MYO1F: variants seen among roughly 807,000 people sequenced by gnomAD.
MYO1F encodes the protein myosin IF.
In MYO1F, 60 loss-of-function variants were observed where a neutral mutation model predicts 146.6. The observed-to-expected ratio is 0.41, with a 90% CI of 0.33 to 0.51. MYO1F has a LOEUF of 0.51. MYO1F is among the 20% of genes least tolerant of loss of function. The probability of loss-of-function intolerance (pLI) is 0.25; values close to 1 mark genes in which losing one functional copy is unlikely to be tolerated. For synonymous variants in MYO1F, 602 were observed against 602.1 expected (o/e 1.00, Z 0.00); for missense variants, 1,274 against 1,534.3 (o/e 0.83, Z 2.83).
At chr19:8,547,991 A>AGAACCCCCCC in intron 12 of MYO1F, 45 bp downstream of exon 12, 1 of 435,420 alleles carries the variant, frequency 2.3e-6, no homozygotes, top group Admixed American at 3.0e-5. Flanking sequence ...CTTCCACCCC[A>AGAACCCCCCC]CCCCCACCCC....
In MYO1F at chr19:8,527,457, C is replaced by T. The variant is rs757829604; in HGVS notation, c.2355G>A (p.Thr785=). 1.3e-5 allele frequency: 21 copies of T among 1,613,900 alleles called. No homozygotes were observed. In the Admixed American group the frequency reaches 2.5e-4, roughly 19 times the overall value. ...GCCCAATCACATACACACACTTGGG[C>T]GTCAGGATCAAGTCCCGCTTGATGG... ...FKPIKRDLIL[T]PKCVYVIGRE... Residue 785 remains threonine (T), a synonymous_variant, in exon 22 of 28, where the codon ACG becomes ACA. Coordinates refer to ENST00000644032, the MANE Select transcript of MYO1F (RefSeq NM_012335.4).
chr19:8,567,675 G>T (rs940061391), intron 1 of MYO1F, among the ~76,000 whole-genome samples: 7 of 152,228 alleles, frequency 4.6e-5, no homozygotes, highest in African/African-American at 1.7e-4. Flanking sequence ...TTTTATAGAA[G>T]AGAAAACTAC....
Position 8,548,274 on chromosome 19 carries a change from A to G in MYO1F, c.1145T>C (p.Ile382Thr), listed in dbSNP as rs754132433. Residue 382 changes from isoleucine (I) to threonine (T), a missense_variant, in exon 11 of 28, where the codon ATC becomes ACC. Ile to Thr is a moderately conservative substitution (Grantham distance 89). Coordinates refer to ENST00000644032, the MANE Select transcript of MYO1F (RefSeq NM_012335.4). Reference protein sequence around the residue: ...AMQKPQEEYSIGVLDIYGFEI... With the variant: ...AMQKPQEEYSTGVLDIYGFEI... ...GAAGCCGTAAATGTCCAGCACACCGATGCTGTACTCTTCCTGGGGTTTCTG... is the reference window on the plus strand; with the variant it reads ...GAAGCCGTAAATGTCCAGCACACCGGTGCTGTACTCTTCCTGGGGTTTCTG... 1 of 1,613,910 alleles carries G rather than the reference A, an allele frequency of 6.2e-7. No individual in the cohort carries two copies. Among genetic ancestry groups the G allele is most frequent in the South Asian group, 1.1e-5 (1 of 91,072 alleles).
intron 19 of MYO1F, among the ~76,000 whole-genome samples, chr19:8,532,702 A>G (rs1267096031): frequency 1.3e-5 from 2 of 152,050 alleles, no homozygotes; most frequent in African/African-American, 4.8e-5. Flanking sequence ...CCTGGGCAAC[A>G]TAGAAAGACC....
Position 8,550,297 on chromosome 19 carries a change from T to C in MYO1F, c.964A>G (p.Thr322Ala). Residue 322 changes from threonine (T) to alanine (A), a missense_variant, in exon 10 of 28, where the codon ACC becomes GCC. Thr to Ala is a moderately conservative substitution (Grantham distance 58, BLOSUM62 0). Around this residue, in one of 2 missense-constraint regions of MYO1F, gnomAD observed 900 missense variants for 1,155.1 expected, o/e 0.78. Coordinates refer to ENST00000644032, the MANE Select transcript of MYO1F (RefSeq NM_012335.4). ...IDSGRLQEKL[T>A]SRKMDSRWGG... Reference sequence around the variant, plus strand: ...CAGCGGCTGTCCATCTTGCGGCTGGTCAGCTTCTCCTGCAGTCGCCCGCTG... The same window carrying C: ...CAGCGGCTGTCCATCTTGCGGCTGGCCAGCTTCTCCTGCAGTCGCCCGCTG... 5 of 1,613,516 alleles carry C rather than the reference T, an allele frequency of 3.1e-6. No individual in the cohort carries two copies. Among genetic ancestry groups the C allele is most frequent in the Non-Finnish European group, 4.2e-6 (5 of 1,179,922 alleles).
chr19:8,522,379 T>C lies in MYO1F; in HGVS notation c.3218A>G (p.Glu1073Gly). The C allele has an allele frequency of 6.2e-7, 1 of 1,614,064 alleles. No individual in the cohort carries two copies. Among genetic ancestry groups the C allele is most frequent in the Non-Finnish European group, 8.5e-7 (1 of 1,180,012 alleles). Residue 1073 changes from glutamate (E) to glycine (G), a missense_variant and splice_region_variant, in exon 27 of 28, where the codon GAA becomes GGA. By Grantham distance (98) the Glu-to-Gly change is moderately conservative. Transcript: ENST00000644032. ...NVNEVIEILM[E>G]DPSGWWKGRL... Reference sequence around the variant, plus strand: ...AGCTTCTGCCCTGGTACACACACCTTCCATGAGGATCTCAATGACCTCGTT... The same window carrying C: ...AGCTTCTGCCCTGGTACACACACCTCCCATGAGGATCTCAATGACCTCGTT...
chr19:8,572,897 T>C (rs1023282071), intron 1 of MYO1F, among the ~76,000 whole-genome samples: 1 of 152,134 alleles, frequency 6.6e-6, no homozygotes, highest in Non-Finnish European at 1.5e-5. Flanking sequence ...GGTATTGCCA[T>C]GTCTCCCAGG....
intron 1 of MYO1F, among the ~76,000 whole-genome samples, chr19:8,576,055 G>C (rs369892335): frequency 6.6e-6 from 1 of 152,132 alleles, no homozygotes; most frequent in African/African-American, 2.4e-5. Context: ...GGAGTGCAGC[G>C]GCAGGATCTC....
At chr19:8,534,137 C>T (rs534924400) in intron 19 of MYO1F, among the ~76,000 whole-genome samples, 5 of 150,416 alleles carry the variant, frequency 3.3e-5, no homozygotes, top group Non-Finnish European at 7.4e-5. Context: ...CAAGATTGCG[C>T]CATTCCACTT....
chr19:8,525,872 T>A (rs1244387766), intron 24 of MYO1F, among the ~76,000 whole-genome samples: 4 of 152,142 alleles, frequency 2.6e-5, no homozygotes, highest in Non-Finnish European at 5.9e-5. Flanking sequence ...TCATGTCTTC[T>A]CCTTAACAGT....
chr19:8,536,925 C>T (rs768834213), intron 17 of MYO1F, 24 bp downstream of exon 17: 8 of 1,544,100 alleles, frequency 5.2e-6, no homozygotes, highest in Non-Finnish European at 7.0e-6. Flanking sequence ...GGGAATGAAT[C>T]TTGGATTGGT....
chr19:8,539,850 A>C (rs1972882273), intron 16 of MYO1F, 97 bp downstream of exon 16: 1 of 1,081,610 alleles, frequency 9.2e-7, no homozygotes, highest in African/African-American at 1.6e-5. Context: ...TGGTAGACAG[A>C]CAGACGTTGG....
chr19:8,532,281 GAAAGCAGAGA>G (rs1972518045), intron 19 of MYO1F, among the ~76,000 whole-genome samples: 1 of 152,194 alleles, frequency 6.6e-6, no homozygotes, highest in South Asian at 2.1e-4. Flanking sequence ...AGCTTTTGCA[GAAAGCAGAGA>G]AAAGGGTTTT....
intron 8 of MYO1F, 85 bp downstream of exon 8, chr19:8,551,655 C>T: frequency 6.2e-7 from 1 of 1,601,060 alleles, no homozygotes. Flanking sequence ...CTGGCCTGGG[C>T]TTCGGTTTCC....
At position 8,536,490 on chromosome 19, in the gene MYO1F, G is replaced by T; in HGVS notation, c.1898+9C>A. ...GGGATGGCGAGGGCGGGGGTGGAGG[G>T]CTCCTCACCTCTGCAGGAATTTGGC... On this transcript the variant is annotated intron_variant, in intron 18 of 27. Transcript: ENST00000644032. The T allele has an allele frequency of 6.2e-7, 1 of 1,612,600 alleles. No individual in the cohort carries two copies. The highest frequency in any genetic ancestry group is 8.5e-7 in the Non-Finnish European group (1 of 1,179,482).
At chr19:8,547,179 C>T (rs1035591020) in intron 12 of MYO1F, among the ~76,000 whole-genome samples, 7 of 151,374 alleles carry the variant, frequency 4.6e-5, no homozygotes, top group African/African-American at 4.9e-5. Flanking sequence ...TGTGTGCCTG[C>T]GGTCCCAGCT....
intron 14 of MYO1F, chr19:8,543,951 G>GTGC (rs1973188848): frequency 9.0e-6 from 2 of 221,170 alleles, no homozygotes; most frequent in Non-Finnish European, 1.7e-5. Flanking sequence ...GGTGGTGCTG[G>GTGC]TGGTGGTGGT....
Position 8,553,431 on chromosome 19 carries a change from C to G in MYO1F, c.333G>C (p.Glu111Asp). 1.2e-6 allele frequency: 2 copies of G among 1,613,918 alleles called. No individual in the cohort carries two copies. The highest frequency in any genetic ancestry group is 1.1e-5 in the South Asian group (1 of 91,084). Residue 111 changes from glutamate to aspartate, a missense_variant, in exon 5 of 28, where the codon GAG (glutamate) becomes GAC (aspartate). By Grantham distance (45) the Glu-to-Asp change is conservative. Coordinates refer to ENST00000644032, the MANE Select transcript of MYO1F (RefSeq NM_012335.4). Reference protein sequence around the residue: ...CENQCVIISGESGAGKTVAAK... With the variant: ...CENQCVIISGDSGAGKTVAAK... ...CTGCCACTGTCTTCCCAGCTCCACT[C>G]TCTCCACTGGGGATGAATGGAGGAA...
chr19:8,545,048 GATT>G (rs1973282888), intron 13 of MYO1F, among the ~76,000 whole-genome samples: 1 of 152,102 alleles, frequency 6.6e-6, no homozygotes, highest in Non-Finnish European at 1.5e-5. Flanking sequence ...AAAGTGCTGG[GATT>G]ACAGGCATGA....
Sources: gnomAD v4.1 joint callset for allele counts (sites outside exome capture counted in the v4.1 genomes callset) on GRCh38, gnomAD v4.1.1 for gene constraint, gnomAD v4.1.1 regional missense constraint, MANE v1.5 for transcripts, NCBI Gene and HGNC (gene_info 2026-07-23, HGNC 2026-07-21) for gene names.